Variants in CIT observed in about 807,000 individuals in gnomAD.
CIT encodes the protein citron Rho-interacting kinase.
CIT carries 79 observed loss-of-function variants against 272.7 expected under a neutral mutation model. The ratio of observed to expected loss-of-function variants is 0.29; its 90% CI spans 0.24 to 0.35. The LOEUF (loss-of-function observed/expected upper bound fraction) is 0.35. Ranked by LOEUF, CIT falls within the 10% of genes least tolerant of loss-of-function variation. The pLI, the probability that CIT is intolerant of heterozygous loss-of-function variation, is 1.00. For missense variants in CIT, 1,909 were observed against 2,618.3 expected (o/e 0.73, Z 5.91); for synonymous variants, 948 against 995.6 (o/e 0.95, Z 0.90).
intron 9 of CIT, among the ~76,000 whole-genome samples, chr12:119,812,328 T>G (rs1442005318): frequency 1.3e-5 from 2 of 152,174 alleles, no homozygotes; most frequent in Non-Finnish European, 2.9e-5. Context: ...ACCTTCCCTT[T>G]CAGCACCTTC....
intron 3 of CIT, among the ~76,000 whole-genome samples, chr12:119,862,558 C>A (rs377242939): frequency 2.9e-4 from 44 of 151,890 alleles, no homozygotes; most frequent in African/African-American, 1.0e-3. Flanking sequence ...CAGTGGCTCC[C>A]GCCTGTAATC....
intron 32 of CIT, among the ~76,000 whole-genome samples, chr12:119,717,965 C>T (rs1407410788): frequency 2.6e-5 from 4 of 151,052 alleles, no homozygotes; most frequent in Non-Finnish European, 4.4e-5. Flanking sequence ...CTCAGCCTCC[C>T]GAGTAGCTAG....
chr12:119,834,377 G>T, intron 5 of CIT, 149 bp from the exon 6 acceptor site: 1 of 670,404 alleles, frequency 1.5e-6, no homozygotes, highest in Non-Finnish European at 2.5e-6. Context: ...AGTCATGTAG[G>T]ATGAAGTCCC....
chr12:119,712,095 C>T lies in CIT; in HGVS notation c.4854+83G>A. 2 of 1,350,828 alleles carry T rather than the reference C, an allele frequency of 1.5e-6. No homozygotes were observed. The highest frequency in any genetic ancestry group is 2.0e-6 in the Non-Finnish European group (2 of 982,862). The allele number at this position is 1,350,828 out of a possible 1,614,324, so 83.7% of individuals were successfully genotyped here. ...AGAGCCTGAGGGGAATCAAAATGGC[C>T]AATGGGATTCTCGTCGTTAACACCA... On this transcript the variant is annotated intron_variant, in intron 37 of 47. Transcript: ENST00000392521. This position sits in a 1 kb window ranked among gnomAD's most constrained non-coding sequence, Gnocchi z 5.2.
chr12:119,718,684 A>T lies in CIT; in HGVS notation c.4003+15T>A. The T allele has an allele frequency of 6.2e-7, 1 of 1,612,316 alleles. No individual in the cohort carries two copies. The highest frequency in any genetic ancestry group is 8.5e-7 in the Non-Finnish European group (1 of 1,179,866). ...TTCCACATCCTTGAGCATTTTGGAG[A>T]GAGTGAGCCCCTACCTTCCTCCCGG... is the stretch of plus-strand genomic sequence containing the variant. On this transcript the variant is annotated intron_variant, in intron 31 of 47. Transcript: ENST00000392521. The surrounding 1 kb of genome is among the most constrained non-coding windows in gnomAD (Gnocchi z 4.8).
intron 44 of CIT, among the ~76,000 whole-genome samples, chr12:119,700,521 T>C (rs1956497687): frequency 6.6e-6 from 1 of 152,198 alleles, no homozygotes; most frequent in Admixed American, 6.5e-5. Context: ...TAGCTGGGAC[T>C]ACAGGCACAT....
At chr12:119,781,741 C>CA (rs1964310881) in intron 13 of CIT, among the ~76,000 whole-genome samples, 1 of 152,210 alleles carries the variant, frequency 6.6e-6, no homozygotes, top group South Asian at 2.1e-4. Flanking sequence ...CTTCTGCACT[C>CA]AGATAGGCAG....
chr12:119,723,865 A>G (rs1957944238), intron 28 of CIT, among the ~76,000 whole-genome samples: 3 of 152,254 alleles, frequency 2.0e-5, no homozygotes, highest in African/African-American at 7.2e-5. Context: ...AGAGCCCAGT[A>G]TGGAGACGGA....
rs1208407612 is a variant in CIT at position 119,713,887 on chromosome 12, G to C, written c.4307-239C>G. 4 of 610,302 alleles carry C rather than the reference G, an allele frequency of 6.6e-6. No individual in the cohort carries two copies. Among genetic ancestry groups the C allele is most frequent in the Non-Finnish European group, 1.2e-5 (4 of 345,840 alleles). 37.8% of individuals were successfully genotyped at this position (610,302 alleles called of 1,614,324 possible). A position where few individuals can be genotyped will look rare whatever the true frequency, so the allele number is the denominator to read the frequency against. On this transcript the variant is annotated intron_variant, in intron 33 of 47. Coordinates refer to ENST00000392521, the MANE Select transcript of CIT (RefSeq NM_001206999.2). This position sits in a 1 kb window ranked among gnomAD's most constrained non-coding sequence, Gnocchi z 5.2. ...TTCAATCCAGACCGCCCACAAACAGGTGTGTAAAGAACACGTTTGCATGTT... is the reference window on the plus strand; with the variant it reads ...TTCAATCCAGACCGCCCACAAACAGCTGTGTAAAGAACACGTTTGCATGTT...
chr12:119,797,422 G>C (rs1014345958), intron 10 of CIT, among the ~76,000 whole-genome samples: 1 of 152,170 alleles, frequency 6.6e-6, no homozygotes, highest in African/African-American at 2.4e-5. Context: ...GGAAGAAATT[G>C]AATGAGCAAG....
chr12:119,701,920 G>A lies in CIT; in HGVS notation c.5343C>T (p.Phe1781=). The change falls in exon 42 of 48, where the codon TTC becomes TTT. Residue 1781 remains phenylalanine, a synonymous_variant. Coordinates refer to ENST00000392521, the MANE Select transcript of CIT (RefSeq NM_001206999.2). ...ETSEPCSCIH[F]TNYSILIGTN... is the part of the protein sequence containing the mutation. ...TTCCAATGAGGATACTGTAATTGGT[G>A]AAGTGGATACAGCTGCAGGGCTCTG... 1 of 1,613,992 alleles carries A rather than the reference G, an allele frequency of 6.2e-7. No individual in the cohort carries two copies. Among genetic ancestry groups the A allele is most frequent in the Non-Finnish European group, 8.5e-7 (1 of 1,179,886 alleles).
At chr12:119,708,153 CA>C in intron 40 of CIT, 25 bp downstream of exon 40, 1 of 1,480,728 alleles carries the variant, frequency 6.8e-7, no homozygotes, top group Non-Finnish European at 9.0e-7. Context: ...AACATTCCAC[CA>C]GCTAGGACTC....
rs1172208747 is a variant in CIT, at chr12:119,734,245, C to T, written c.3269G>A (p.Ser1090Asn). The change falls in exon 26 of 48, where the codon AGC becomes AAC. Residue 1090 changes from serine to asparagine, a missense_variant. This residue lies in a region of CIT where 530 missense variants were observed against 822.4 expected (regional missense o/e 0.64). Transcript: ENST00000392521. ...EKERQWEAWR[S>N]VLGDEKSQFE... ...CTGGGATTTCTCATCACCCAGGACG[C>T]TCCTCCAGGCCTCCCACTGCCGCTC... is the stretch of plus-strand genomic sequence containing the variant. 1.2e-6 allele frequency: 2 copies of T among 1,614,004 alleles called. No individual in the cohort carries two copies. The highest frequency in any genetic ancestry group is 8.5e-7 in the Non-Finnish European group (1 of 1,180,006).
At chr12:119,709,216 TTA>T (rs1438351278) in intron 39 of CIT, among the ~76,000 whole-genome samples, 1 of 152,172 alleles carries the variant, frequency 6.6e-6, no homozygotes, top group Non-Finnish European at 1.5e-5. Flanking sequence ...ATACATGTCA[TTA>T]TATGTTTTTC....
chr12:119,729,263 A>G (rs981861049), intron 27 of CIT, among the ~76,000 whole-genome samples: 2 of 152,144 alleles, frequency 1.3e-5, no homozygotes, highest in African/African-American at 4.8e-5. Flanking sequence ...AAAAATGGTA[A>G]CCCAGTTTCA....
In CIT at chr12:119,689,666, C is replaced by CTTTTTTTTTTT. The variant is rs531946559; in HGVS notation, c.6186+474_6186+484dup. Among the ~76,000 whole-genome samples, 7 of 75,096 alleles carry CTTTTTTTTTTT rather than the reference C, an allele frequency of 9.3e-5. 1 individual carries two copies. The highest frequency in any genetic ancestry group is 7.6e-5 in the Non-Finnish European group (3 of 39,666). 49.3% of individuals were successfully genotyped at this position (75,096 alleles called of 152,430 possible). A position where few individuals can be genotyped will look rare whatever the true frequency, so the allele number is the denominator to read the frequency against. On this transcript the variant is annotated intron_variant, in intron 47 of 47. Transcript: ENST00000392521. ...ACGTTATCCATTTGCTTAGGAAGCT[C>CTTTTTTTTTTT]TTTTTTTTTTTTTTTTTTTTTTTTT...
At chr12:119,781,014 G>A (rs965562290) in intron 13 of CIT, among the ~76,000 whole-genome samples, 1 of 152,240 alleles carries the variant, frequency 6.6e-6, no homozygotes, top group Non-Finnish European at 1.5e-5. Flanking sequence ...TGCTCCCTCT[G>A]GTGGCCAAAC....
rs200500389 is a variant in CIT, at chr12:119,712,628, G to A, written c.4647C>T (p.Ala1549=). 1.1e-5 allele frequency: 18 copies of A among 1,614,018 alleles called. No individual in the cohort carries two copies. Among genetic ancestry groups the A allele is most frequent in the South Asian group, 3.3e-5 (3 of 91,072 alleles). Residue 1549 remains alanine, a synonymous_variant, in exon 36 of 48, where the codon GCC becomes GCT. Transcript: ENST00000392521. This position sits in a 1 kb window ranked among gnomAD's most constrained non-coding sequence, Gnocchi z 5.2. The part of the protein sequence containing the change: ...LPDGDVSIHG[A]VGASELANTA... ...TATTTGCGAGTTCGGAAGCACCAAC[G>A]GCACCATGAATAGATACATCCCCGT...
At chr12:119,731,863 T>C (rs1958475824) in intron 26 of CIT, among the ~76,000 whole-genome samples, 1 of 148,994 alleles carries the variant, frequency 6.7e-6, no homozygotes, top group African/African-American at 2.5e-5. Flanking sequence ...TGAGATGGAG[T>C]CCCACTCTGT....
Sources: gnomAD v4.1 joint callset for allele counts (sites outside exome capture counted in the v4.1 genomes callset) on GRCh38, gnomAD v4.1.1 for gene constraint, gnomAD v4.1.1 regional missense constraint, Gnocchi (gnomAD v3.1) non-coding constraint, MANE v1.5 for transcripts, NCBI Gene and HGNC (gene_info 2026-07-23, HGNC 2026-07-21) for gene names.